The following TNR variants were observed in gnomAD, a reference collection of about 807,000 sequenced individuals.
TNR encodes the protein tenascin R.
Under a neutral mutation model 150.4 loss-of-function variants are expected in TNR, and 45 were observed. That is an observed-to-expected ratio of 0.30 (90% CI 0.24 to 0.38). The LOEUF (loss-of-function observed/expected upper bound fraction) is 0.38. TNR is among the 10% of genes least tolerant of loss of function. The probability of loss-of-function intolerance (pLI) is 1.00; values close to 1 mark genes in which losing one functional copy is unlikely to be tolerated. For missense variants in TNR, 1,544 were observed against 1,759.1 expected, an observed-to-expected ratio of 0.88 and a Z score of 2.19; for synonymous variants, 687 against 678.4, an observed-to-expected ratio of 1.01 and a Z score of -0.20.
intron 2 of TNR, among the ~76,000 whole-genome samples, chr1:175,415,787 G>C (rs774400487): frequency 2.0e-5 from 3 of 152,114 alleles, no homozygotes; most frequent in Non-Finnish European, 4.4e-5. Context: ...ATGGGATCTT[G>C]AGTATCAATC....
intron 1 of TNR, among the ~76,000 whole-genome samples, chr1:175,575,266 G>T (rs1035429925): frequency 4.6e-5 from 7 of 152,216 alleles, no homozygotes; most frequent in Non-Finnish European, 7.3e-5. Context: ...GCAATGGACA[G>T]GTGGTGTGAA....
intron 9 of TNR, 115 bp downstream of exon 9, chr1:175,379,437 G>A (rs1317072897): frequency 1.4e-5 from 12 of 871,346 alleles, no homozygotes; most frequent in Non-Finnish European, 2.0e-5. Context: ...AGGCACTTAA[G>A]AGATGAGATC....
chr1:175,590,475 G>T (rs2101837459), intron 1 of TNR, among the ~76,000 whole-genome samples: 1 of 152,296 alleles, frequency 6.6e-6, no homozygotes, highest in Non-Finnish European at 1.5e-5. Context: ...TTGAGGCATT[G>T]GTAAAGGCAG....
intron 1 of TNR, among the ~76,000 whole-genome samples, chr1:175,735,271 C>T (rs1397573828): frequency 6.6e-6 from 1 of 152,184 alleles, no homozygotes; most frequent in Non-Finnish European, 1.5e-5. Context: ...TGCCTGTGCC[C>T]TGTCACCCCT....
At chr1:175,393,632 A>G in intron 6 of TNR, 148 bp downstream of exon 6, 1 of 707,068 alleles carries the variant, frequency 1.4e-6, no homozygotes, top group African/African-American at 1.8e-5. Flanking sequence ...AATGTTCTAT[A>G]TCCCAGACAC....
chr1:175,735,116 T>C (rs1473572194), intron 1 of TNR, among the ~76,000 whole-genome samples: 1 of 152,256 alleles, frequency 6.6e-6, no homozygotes, highest in Non-Finnish European at 1.5e-5. Flanking sequence ...TAGGTGGCTC[T>C]GGCCTCTGCC....
chr1:175,508,980 T>C (rs912942972), intron 2 of TNR, among the ~76,000 whole-genome samples: 2 of 152,226 alleles, frequency 1.3e-5, no homozygotes, highest in African/African-American at 4.8e-5. Flanking sequence ...ATGATGTGAG[T>C]CAGCCCTAGT....
chr1:175,605,991 C>A (rs1343092053), intron 1 of TNR, among the ~76,000 whole-genome samples: 5 of 151,824 alleles, frequency 3.3e-5, no homozygotes, highest in African/African-American at 1.2e-4. Context: ...AATCCTGATA[C>A]AAAGCTGAGG....
At chr1:175,395,025 A>G (rs1299814862) in intron 5 of TNR, among the ~76,000 whole-genome samples, 3 of 151,888 alleles carry the variant, frequency 2.0e-5, no homozygotes, top group Non-Finnish European at 4.4e-5. Flanking sequence ...CATTGCAGAT[A>G]TTTAAAACCA....
intron 1 of TNR, among the ~76,000 whole-genome samples, chr1:175,534,715 G>C (rs1660201628): frequency 2.0e-5 from 3 of 152,194 alleles, no homozygotes; most frequent in African/African-American, 7.2e-5. Context: ...TGGCTTCTGG[G>C]CTGCTAAGGC....
chr1:175,323,525 G>A (rs748986954), intron 22 of TNR, 49 bp from the exon 23 acceptor site: 7 of 1,593,302 alleles, frequency 4.4e-6, no homozygotes, highest in East Asian at 2.3e-5. Context: ...ACCATGGAAC[G>A]CCCCACTTCA....
In TNR at chr1:175,651,809, C is replaced by T. The variant is rs538842976; in HGVS notation, c.-165+91417G>A. On this transcript the variant is annotated intron_variant, in intron 1 of 22. Transcript: ENST00000367674. ...TTCATTTCACTTATGCACACAGAAA[C>T]AAAAATTCTAGACCAAATATTAACT... Among the ~76,000 whole-genome samples the T allele has an allele frequency of 1.2e-3, 178 of 151,750 alleles. 1 individual carries two copies. The highest frequency in any genetic ancestry group is 4.2e-3 in the African/African-American group (173 of 41,502).
intron 8 of TNR, among the ~76,000 whole-genome samples, chr1:175,380,050 G>A (rs1337084508): frequency 6.6e-6 from 1 of 152,120 alleles, no homozygotes; most frequent in Non-Finnish European, 1.5e-5. Context: ...AACAAAACAA[G>A]GGAAACCCCA....
intron 1 of TNR, among the ~76,000 whole-genome samples, chr1:175,578,913 C>T (rs1327023713): frequency 6.6e-6 from 1 of 152,182 alleles, no homozygotes; most frequent in Admixed American, 6.5e-5. Context: ...GCCCCCTCCT[C>T]TACTGCCAGG....
At chr1:175,324,008 T>C (rs1210464111) in intron 22 of TNR, among the ~76,000 whole-genome samples, 1 of 152,154 alleles carries the variant, frequency 6.6e-6, no homozygotes, top group African/African-American at 2.4e-5. Flanking sequence ...TAGGGAAAGA[T>C]TGTCCAGTTC....
intron 1 of TNR, among the ~76,000 whole-genome samples, chr1:175,648,997 C>G (rs899144814): frequency 3.3e-5 from 5 of 152,176 alleles, no homozygotes. Context: ...AAACTGCATC[C>G]TTGCCTCCAC....
chr1:175,376,879 T>TATATATATATATATAC (rs36055169), intron 9 of TNR, among the ~76,000 whole-genome samples: 1 of 146,530 alleles, frequency 6.8e-6, no homozygotes, highest in Non-Finnish European at 1.5e-5. Context: ...TATATATATA[T>TATATATATATATATAC]ACACATATAT....
intron 21 of TNR, among the ~76,000 whole-genome samples, chr1:175,325,481 C>G (rs556973826): frequency 6.6e-6 from 1 of 152,196 alleles, no homozygotes; most frequent in Non-Finnish European, 1.5e-5. Context: ...GGATCTAGAA[C>G]TAGAAATACC....
chr1:175,568,462 T>G (rs1288772253), intron 1 of TNR, among the ~76,000 whole-genome samples: 1 of 152,194 alleles, frequency 6.6e-6, no homozygotes, highest in Non-Finnish European at 1.5e-5. Flanking sequence ...AGAAGATCCT[T>G]CACTTTACAA....
Sources: allele counts gnomAD v4.1 joint callset (sites outside exome capture counted in the v4.1 genomes callset), GRCh38; gene constraint gnomAD v4.1.1; transcripts MANE v1.5; gene names NCBI Gene and HGNC (gene_info 2026-07-23, HGNC 2026-07-21).